The following NBEA variants were observed in gnomAD, a reference collection of about 807,000 sequenced individuals.
NBEA encodes the protein neurobeachin.
NBEA carries 44 observed loss-of-function variants against 343.4 expected under a neutral mutation model. The ratio of observed to expected loss-of-function variants is 0.13; its 90% CI spans 0.10 to 0.16. The LOEUF (loss-of-function observed/expected upper bound fraction) is 0.16, where lower values mean the gene tolerates loss of function less well. NBEA is among the 10% of genes least tolerant of loss of function. NBEA has a pLI of 1.00. For missense variants in NBEA, 2,555 were observed against 3,631.3 expected, an observed-to-expected ratio of 0.70 and a Z score of 7.62; for synonymous variants, 1,175 against 1,238.7, an observed-to-expected ratio of 0.95 and a Z score of 1.08.
intron 18 of NBEA, among the ~76,000 whole-genome samples, chr13:35,151,920 A>G (rs1435483878): frequency 6.6e-6 from 1 of 152,190 alleles, no homozygotes; most frequent in Non-Finnish European, 1.5e-5. Context: ...AGTACTCTCT[A>G]ATACACTTAA....
At chr13:35,456,606 AGTT>A (rs925361413) in intron 40 of NBEA, among the ~76,000 whole-genome samples, 1 of 152,044 alleles carries the variant, frequency 6.6e-6, no homozygotes, top group African/African-American at 2.4e-5. Context: ...AAATTTAGCA[AGTT>A]GTTTCTTCAA....
chr13:35,328,543 G>A (rs2038725106), intron 36 of NBEA, among the ~76,000 whole-genome samples: 1 of 151,840 alleles, frequency 6.6e-6, no homozygotes. Flanking sequence ...TGGAGGGGAT[G>A]GATACCCCAT....
intron 1 of NBEA, among the ~76,000 whole-genome samples, chr13:34,959,368 G>A (rs1250791974): frequency 6.6e-6 from 1 of 151,992 alleles, no homozygotes; most frequent in African/African-American, 2.4e-5. Flanking sequence ...CTGCTTGGGT[G>A]GGATTGGAGG....
intron 48 of NBEA, among the ~76,000 whole-genome samples, chr13:35,613,534 A>G (rs2082612493): frequency 6.6e-6 from 1 of 152,170 alleles, no homozygotes; most frequent in African/African-American, 2.4e-5. Flanking sequence ...TCCCTTTAGC[A>G]TACTGATTTC....
intron 49 of NBEA, among the ~76,000 whole-genome samples, chr13:35,642,384 A>G (rs2084005208): frequency 6.6e-6 from 1 of 152,202 alleles, no homozygotes; most frequent in African/African-American, 2.4e-5. Flanking sequence ...GATAACATAG[A>G]TTTAATGAAG....
At chr13:34,972,078 G>A (rs896094685) in intron 1 of NBEA, among the ~76,000 whole-genome samples, 4 of 151,998 alleles carry the variant, frequency 2.6e-5, no homozygotes. Flanking sequence ...CAGGGTATAT[G>A]TGTTCAGGAA....
chr13:35,143,349 G>T (rs75512165), intron 18 of NBEA, among the ~76,000 whole-genome samples: 24,317 of 152,096 alleles, frequency 0.16, 2,478 homozygotes, highest in Admixed American at 0.26. Context: ...CCTCAACAGT[G>T]TTTCATGTAC....
intron 41 of NBEA, among the ~76,000 whole-genome samples, chr13:35,473,997 A>G (rs2075759661): frequency 6.6e-6 from 1 of 152,176 alleles, no homozygotes; most frequent in Non-Finnish European, 1.5e-5. Flanking sequence ...TGTTGTAGAA[A>G]GGAATTGTCT....
At chr13:35,032,197 T>C (rs2062251322) in intron 1 of NBEA, among the ~76,000 whole-genome samples, 1 of 151,650 alleles carries the variant, frequency 6.6e-6, no homozygotes, top group Non-Finnish European at 1.5e-5. Flanking sequence ...AAAAGTAGTT[T>C]TGCTTTTAGC....
chr13:35,642,195 G>C (rs1382942706), intron 49 of NBEA, among the ~76,000 whole-genome samples: 1 of 152,104 alleles, frequency 6.6e-6, no homozygotes, highest in African/African-American at 2.4e-5. Flanking sequence ...TAAGACTCAT[G>C]ATACCACTGT....
At chr13:35,500,695 G>T (rs146741858) in intron 41 of NBEA, among the ~76,000 whole-genome samples, 1 of 143,844 alleles carries the variant, frequency 7.0e-6, no homozygotes, top group African/African-American at 2.6e-5. Context: ...CTCACTCCTC[G>T]TGCTCTTTCC....
chr13:35,143,121 A>G (rs966372112), intron 18 of NBEA, among the ~76,000 whole-genome samples: 1 of 152,186 alleles, frequency 6.6e-6, no homozygotes, highest in African/African-American at 2.4e-5. Flanking sequence ...ATATTTCTAA[A>G]TGGTTGAAAA....
Position 35,582,621 on chromosome 13 carries a change from A to C in NBEA, c.7036-1277A>C, listed in dbSNP as rs1369795037. Reference sequence around the variant, plus strand: ...TAAAATATTAACACTTTTGTGCGTGAAAAATACAGCTTTTATATAAATTGT... The same window carrying C: ...TAAAATATTAACACTTTTGTGCGTGCAAAATACAGCTTTTATATAAATTGT... On this transcript the variant is annotated intron_variant, in intron 45 of 58. Coordinates refer to ENST00000379939, the MANE Select transcript of NBEA (RefSeq NM_001385012.1). Among the ~76,000 whole-genome samples the C allele has an allele frequency of 2.0e-5, 3 of 152,302 alleles. No individual in the cohort carries two copies. The East Asian group carries it at 5.8e-4, about 29-fold the overall frequency.
chr13:35,112,693 A>G (rs113281285), intron 13 of NBEA, among the ~76,000 whole-genome samples: 3,259 of 152,302 alleles, frequency 0.021, 44 homozygotes, highest in Non-Finnish European at 0.034. Flanking sequence ...GTCCCTCACC[A>G]GATTCTCAAT....
At chr13:35,332,595 A>G (rs2038992208) in intron 36 of NBEA, among the ~76,000 whole-genome samples, 1 of 152,144 alleles carries the variant, frequency 6.6e-6, no homozygotes. Context: ...TTTAACTATT[A>G]TCTTGTAAAT....
chr13:35,007,656 C>A (rs2061361754), intron 1 of NBEA, among the ~76,000 whole-genome samples: 1 of 151,948 alleles, frequency 6.6e-6, no homozygotes, highest in East Asian at 1.9e-4. Context: ...TGTGCCACAG[C>A]TAATTTTTTT....
At chr13:35,031,669 G>A (rs1041058703) in intron 1 of NBEA, among the ~76,000 whole-genome samples, 11 of 151,282 alleles carry the variant, frequency 7.3e-5, no homozygotes, top group African/African-American at 2.7e-4. Context: ...CAGGTTTGTA[G>A]GCACATGTGA....
chr13:35,014,867 G>A (rs573635529), intron 1 of NBEA, among the ~76,000 whole-genome samples: 1 of 152,046 alleles, frequency 6.6e-6, no homozygotes, highest in South Asian at 2.1e-4. Flanking sequence ...TGAAGAGCAC[G>A]AGACAGGCCA....
intron 46 of NBEA, among the ~76,000 whole-genome samples, chr13:35,587,216 G>A (rs2081329162): frequency 6.6e-6 from 1 of 152,124 alleles, no homozygotes; most frequent in South Asian, 2.1e-4. Flanking sequence ...AATTCTGTTT[G>A]CTGCCTAGGG....
Sources: allele counts gnomAD v4.1 joint callset (sites outside exome capture counted in the v4.1 genomes callset), GRCh38; gene constraint gnomAD v4.1.1; transcripts MANE v1.5; gene names NCBI Gene and HGNC (gene_info 2026-07-23, HGNC 2026-07-21).